The following USPL1 variants were observed in gnomAD, a reference collection of about 807,000 sequenced individuals.
USPL1 encodes SUMO-specific isopeptidase USPL1.
A neutral mutation model predicts 51.5 loss-of-function variants in USPL1; 27 were observed. The observed-to-expected ratio is 0.52, with a 90% CI of 0.39 to 0.72. The LOEUF (loss-of-function observed/expected upper bound fraction) is 0.72, where lower values mean the gene tolerates loss of function less well. Ranked by LOEUF, USPL1 falls within the 30% of genes least tolerant of loss-of-function variation. The probability of loss-of-function intolerance (pLI) is 0.00; values close to 1 mark genes in which losing one functional copy is unlikely to be tolerated. For synonymous variants in USPL1, 451 were observed against 459.6 expected (o/e 0.98, Z 0.24); for missense variants, 1,226 against 1,268.0 (o/e 0.97, Z 0.50).
rs951401905 is a variant in USPL1, at chr13:30,646,566, A to G, written c.1113-366A>G. The stretch of plus-strand genomic sequence containing the variant: ...CCCCTTGGGACATTTGGCAACATCT[A>G]CAGACAACTGGATGCCGTTACTGGC... On this transcript the variant is annotated intron_variant, in intron 6 of 8. Transcript: ENST00000255304. Among the ~76,000 whole-genome samples the G allele has an allele frequency of 3.3e-5, 5 of 152,224 alleles. 1 individual carries two copies. Among genetic ancestry groups the G allele is most frequent in the Non-Finnish European group, 4.4e-5 (3 of 68,038 alleles).
rs945472029 is a variant in USPL1 at position 30,658,031 on chromosome 13, A to G, written c.1954A>G (p.Ile652Val). Reference protein sequence around the residue: ...EKLIQDQFVDISFPSQVVNTN... With the variant: ...EKLIQDQFVDVSFPSQVVNTN... Reference sequence around the variant, plus strand: ...GCTTATTCAAGACCAATTTGTGGACATAAGTTTTCCATCCCAAGTTGTAAA... The same window carrying G: ...GCTTATTCAAGACCAATTTGTGGACGTAAGTTTTCCATCCCAAGTTGTAAA... Residue 652 changes from isoleucine (I) to valine (V), a missense_variant, in exon 9 of 9, where the codon ATA becomes GTA. Physicochemically the swap from Ile to Val is conservative, Grantham distance 29. Transcript: ENST00000255304. 6.2e-7 allele frequency: 1 copy of G among 1,613,316 alleles called. No homozygotes were observed. The highest frequency in any genetic ancestry group is 8.5e-7 in the Non-Finnish European group (1 of 1,179,952).
intron 4 of USPL1, among the ~76,000 whole-genome samples, chr13:30,636,080 G>A (rs958450992): frequency 3.8e-4 from 58 of 152,084 alleles, no homozygotes; most frequent in African/African-American, 1.4e-3. Context: ...GTGTGTGTCA[G>A]TCATTTACAG....
At chr13:30,641,174 G>C (rs190305827) in intron 5 of USPL1, among the ~76,000 whole-genome samples, 1 of 152,278 alleles carries the variant, frequency 6.6e-6, no homozygotes, top group African/African-American at 2.4e-5. Flanking sequence ...CCAATCATAG[G>C]GACATTTGAA....
At chr13:30,646,612 G>A (rs1157377191) in intron 6 of USPL1, among the ~76,000 whole-genome samples, 2 of 152,172 alleles carry the variant, frequency 1.3e-5, no homozygotes, top group Non-Finnish European at 2.9e-5. Flanking sequence ...GAGAGGCCAG[G>A]GATGATGCTT....
intron 5 of USPL1, among the ~76,000 whole-genome samples, chr13:30,640,882 A>G (rs981951734): frequency 6.6e-6 from 1 of 152,190 alleles, no homozygotes; most frequent in African/African-American, 2.4e-5. Context: ...GAAATATAAT[A>G]CTGTTTGATT....
chr13:30,659,214 C>A lies in USPL1; in HGVS notation c.3137C>A (p.Ala1046Asp). Residue 1046 changes from alanine to aspartate, a missense_variant, in exon 9 of 9, where the codon GCC becomes GAC. By Grantham distance (126) the Ala-to-Asp change is moderately radical. Coordinates refer to ENST00000255304, the MANE Select transcript of USPL1 (RefSeq NM_005800.5). ...CAGCCAGACTCTCTGACAAATAATG[C>A]CTGCGTTAGAACATTAAACTTGGAG... ...EVQPDSLTNN[A>D]CVRTLNLESP... is the part of the protein sequence containing the mutation. The A allele has an allele frequency of 2.5e-6, 4 of 1,614,012 alleles. No homozygotes were observed. The highest frequency in any genetic ancestry group is 3.4e-6 in the Non-Finnish European group (4 of 1,179,990).
At chr13:30,630,465 A>G (rs2137632750) in intron 3 of USPL1, among the ~76,000 whole-genome samples, 1 of 152,360 alleles carries the variant, frequency 6.6e-6, no homozygotes, top group South Asian at 2.1e-4. Flanking sequence ...AATGTGTAGT[A>G]TAATGTAGTG....
chr13:30,629,388 A>G (rs1950769118), intron 3 of USPL1, among the ~76,000 whole-genome samples: 1 of 152,116 alleles, frequency 6.6e-6, no homozygotes, highest in Non-Finnish European at 1.5e-5. Context: ...TTGGGAGGCT[A>G]AGGTTGTAGG....
intron 6 of USPL1, among the ~76,000 whole-genome samples, chr13:30,644,055 C>A (rs986158825): frequency 1.2e-4 from 18 of 151,596 alleles, no homozygotes; most frequent in Admixed American, 2.6e-4. Flanking sequence ...TAGGCCGAGG[C>A]GGGTGGATCA....
At chr13:30,636,537 TAG>T (rs1950878411) in intron 4 of USPL1, among the ~76,000 whole-genome samples, 1 of 152,188 alleles carries the variant, frequency 6.6e-6, no homozygotes, top group Non-Finnish European at 1.5e-5. Context: ...CAGATGCATG[TAG>T]AGTCTTTTAT....
chr13:30,627,729 G>A (rs894051228), intron 3 of USPL1, among the ~76,000 whole-genome samples: 1 of 151,686 alleles, frequency 6.6e-6, no homozygotes, highest in Admixed American at 6.6e-5. Context: ...CCATTTTTAT[G>A]TATAGAGTTC....
intron 5 of USPL1, 78 bp from the exon 6 acceptor site, chr13:30,642,550 A>T (rs1950961639): frequency 6.5e-7 from 1 of 1,533,504 alleles, no homozygotes; most frequent in Non-Finnish European, 8.8e-7. Flanking sequence ...ATAGTAAGAA[A>T]AGACAATAGT....
chr13:30,621,658 G>A, intron 2 of USPL1, 106 bp from the exon 3 acceptor site: 1 of 900,548 alleles, frequency 1.1e-6, no homozygotes, highest in Non-Finnish European at 1.5e-6. Context: ...CAGGATACTT[G>A]TAATTGAAAA....
At chr13:30,624,065 C>A (rs1950679008) in intron 3 of USPL1, among the ~76,000 whole-genome samples, 1 of 152,108 alleles carries the variant, frequency 6.6e-6, no homozygotes, top group African/African-American at 2.4e-5. Context: ...GTACTGGTGG[C>A]CTGGATGTGG....
chr13:30,641,082 A>C (rs1950941137), intron 5 of USPL1, among the ~76,000 whole-genome samples: 1 of 152,260 alleles, frequency 6.6e-6, no homozygotes, highest in South Asian at 2.1e-4. Flanking sequence ...TTGCTTCTCT[A>C]GTACTTTTCC....
chr13:30,646,844 A>T, intron 6 of USPL1, 88 bp from the exon 7 acceptor site: 1 of 1,420,464 alleles, frequency 7.0e-7, no homozygotes, highest in Non-Finnish European at 9.5e-7. Context: ...ATGAATCACG[A>T]AAAAGGGGAG....
chr13:30,653,369 A>ACTT, intron 8 of USPL1, 64 bp downstream of exon 8: 4 of 1,436,116 alleles, frequency 2.8e-6, no homozygotes, highest in Non-Finnish European at 3.7e-6. Flanking sequence ...GCATGTGGGG[A>ACTT]CTTTTTGGTT....
intron 3 of USPL1, among the ~76,000 whole-genome samples, chr13:30,627,970 G>A (rs1480807033): frequency 6.6e-6 from 1 of 151,698 alleles, no homozygotes; most frequent in African/African-American, 2.4e-5. Flanking sequence ...TTCTGCCTGC[G>A]GGTTCAAGCA....
At chr13:30,652,101 A>G (rs1272342473) in intron 7 of USPL1, among the ~76,000 whole-genome samples, 1 of 152,218 alleles carries the variant, frequency 6.6e-6, no homozygotes, top group African/African-American at 2.4e-5. Flanking sequence ...TGTGAAATTG[A>G]TGTCATGATA....
Sources: allele counts gnomAD v4.1 joint callset (sites outside exome capture counted in the v4.1 genomes callset), GRCh38; gene constraint gnomAD v4.1.1; transcripts MANE v1.5; gene names NCBI Gene and HGNC (gene_info 2026-07-23, HGNC 2026-07-21).